POU2F1: variants seen among roughly 807,000 people sequenced by gnomAD.
The protein encoded by POU2F1 is POU domain, class 2, transcription factor 1.
POU2F1 carries 16 observed loss-of-function variants against 84.9 expected under a neutral mutation model. The observed-to-expected ratio is 0.19, with a 90% CI of 0.13 to 0.29. POU2F1 has a LOEUF of 0.29. Ranked by LOEUF, POU2F1 falls within the 10% of genes least tolerant of loss-of-function variation. The pLI, the probability that POU2F1 is intolerant of heterozygous loss-of-function variation, is 1.00. For synonymous variants in POU2F1, 368 were observed against 368.3 expected (o/e 1.00, Z 0.01); for missense variants, 738 against 942.6 (o/e 0.78, Z 2.84).
intron 9 of POU2F1, among the ~76,000 whole-genome samples, chr1:167,395,740 G>A (rs1648763631): frequency 6.6e-6 from 1 of 151,638 alleles, no homozygotes. Context: ...AAATGGCTAG[G>A]ACTACAGGCA....
intron 13 of POU2F1, among the ~76,000 whole-genome samples, chr1:167,411,711 C>T (rs1649980904): frequency 6.6e-6 from 1 of 152,106 alleles, no homozygotes; most frequent in Non-Finnish European, 1.5e-5. Context: ...GAATAGGAAA[C>T]AGGCAATGGA....
chr1:167,228,941 A>G (rs1186742489), intron 1 of POU2F1, among the ~76,000 whole-genome samples: 1 of 152,132 alleles, frequency 6.6e-6, no homozygotes, highest in African/African-American at 2.4e-5. Context: ...GCGTTACTAT[A>G]CCCATTTTAT....
At position 167,417,185 on chromosome 1, in the gene POU2F1, C is replaced by A. The variant is rs1265692464; in HGVS notation, c.*1375C>A. 1.3e-5 allele frequency: 2 copies of A among 152,272 alleles called. No homozygotes were observed. Among genetic ancestry groups the A allele is most frequent in the Non-Finnish European group, 2.9e-5 (2 of 68,038 alleles). 9.4% of individuals were successfully genotyped at this position (152,272 alleles called of 1,614,324 possible). ...TTTCCACTGGATGGTTTATAAATTC[C>A]TCTAACCCTGAGATTCTTCTTGGTT... On this transcript the variant is annotated 3_prime_UTR_variant, in exon 16 of 16. Coordinates refer to ENST00000367866, the MANE Select transcript of POU2F1 (RefSeq NM_002697.4).
chr1:167,374,441 C>T (rs1660197949), intron 6 of POU2F1, 145 bp downstream of exon 6: 2 of 656,828 alleles, frequency 3.0e-6, no homozygotes, highest in East Asian at 5.9e-5. Flanking sequence ...CGGTACCCTT[C>T]CTTACCACTG....
intron 1 of POU2F1, among the ~76,000 whole-genome samples, chr1:167,289,794 T>G (rs1212963935): frequency 6.6e-6 from 1 of 152,226 alleles, no homozygotes; most frequent in African/African-American, 2.4e-5. Context: ...TGGTCTGAGA[T>G]GTTCATTTAT....
In POU2F1 at chr1:167,272,742, G is replaced by C. The variant is rs150032892; in HGVS notation, c.61+51784G>C. ...CCTTCCAGGCCCCTCATCCAACATC[G>C]AGGATTACAATTTGACATGAGATTT... On this transcript the variant is annotated intron_variant, in intron 1 of 15. Coordinates refer to ENST00000367866, the MANE Select transcript of POU2F1 (RefSeq NM_002697.4). Among the ~76,000 whole-genome samples, 33 of 152,192 alleles carry C rather than the reference G, an allele frequency of 2.2e-4. No homozygotes were observed. The South Asian group carries it at 6.6e-3, about 31-fold the overall frequency.
chr1:167,397,709 C>T (rs950878462), intron 10 of POU2F1, among the ~76,000 whole-genome samples: 27 of 152,260 alleles, frequency 1.8e-4, no homozygotes, highest in African/African-American at 6.5e-4. Flanking sequence ...CTGTGCCCAG[C>T]TAATTTTTGT....
intron 6 of POU2F1, among the ~76,000 whole-genome samples, chr1:167,375,116 A>G (rs560062958): frequency 1.6e-4 from 25 of 152,344 alleles, no homozygotes; most frequent in African/African-American, 5.1e-4. Context: ...GGAAAAAGGT[A>G]TAAGTAGATA....
Position 167,295,812 on chromosome 1 carries a change from A to G in POU2F1, c.62-36658A>G, listed in dbSNP as rs577238276. Among the ~76,000 whole-genome samples the G allele has an allele frequency of 1.4e-4, 21 of 152,306 alleles. No homozygotes were observed. In the South Asian group the frequency reaches 4.4e-3, roughly 32 times the overall value. On this transcript the variant is annotated intron_variant, in intron 1 of 15. Transcript: ENST00000367866. ...GCCATAGAAGGCCTTCTTCTATACCAGGGAGAATAGGGAACCTCTTAAGGG... is the reference window on the plus strand; with the variant it reads ...GCCATAGAAGGCCTTCTTCTATACCGGGGAGAATAGGGAACCTCTTAAGGG...
chr1:167,246,458 TTC>T (rs1424204583), intron 1 of POU2F1, among the ~76,000 whole-genome samples: 1 of 152,244 alleles, frequency 6.6e-6, no homozygotes, highest in African/African-American at 2.4e-5. Flanking sequence ...TGTTTTACTT[TTC>T]TCTTTAGGTC....
At chr1:167,396,926 G>C (rs1490724810) in intron 10 of POU2F1, 1 of 153,616 alleles carries the variant, frequency 6.5e-6, no homozygotes, top group Admixed American at 6.5e-5. Flanking sequence ...TTGGAATTTT[G>C]AGTCACAGGA....
intron 1 of POU2F1, among the ~76,000 whole-genome samples, chr1:167,253,260 C>T (rs181833300): frequency 6.6e-6 from 1 of 152,088 alleles, no homozygotes; most frequent in East Asian, 1.9e-4. Flanking sequence ...AGAGTTTGTA[C>T]TTCAGGGTCA....
At chr1:167,253,051 A>G (rs1013363339) in intron 1 of POU2F1, among the ~76,000 whole-genome samples, 1 of 152,202 alleles carries the variant, frequency 6.6e-6, no homozygotes, top group South Asian at 2.1e-4. Context: ...ATATGTGTTC[A>G]TTACAATGCA....
At chr1:167,246,759 G>A (rs7418469) in intron 1 of POU2F1, among the ~76,000 whole-genome samples, 15 of 151,912 alleles carry the variant, frequency 9.9e-5, no homozygotes, top group Non-Finnish European at 1.8e-4. Context: ...TATGAACAAA[G>A]GTGCTTATCT....
chr1:167,379,460 T>C (rs1034109847), intron 7 of POU2F1: 2 of 152,236 alleles, frequency 1.3e-5, no homozygotes, highest in African/African-American at 4.8e-5. Flanking sequence ...TATCTAGGTA[T>C]AATGCCTGGG....
At chr1:167,305,475 C>T (rs1655001270) in intron 1 of POU2F1, among the ~76,000 whole-genome samples, 1 of 152,228 alleles carries the variant, frequency 6.6e-6, no homozygotes, top group Non-Finnish European at 1.5e-5. Context: ...GCGGGGATTA[C>T]AGGCATGAGC....
At chr1:167,386,382 C>T (rs924056524) in intron 8 of POU2F1, among the ~76,000 whole-genome samples, 1 of 152,128 alleles carries the variant, frequency 6.6e-6, no homozygotes, top group Non-Finnish European at 1.5e-5. Flanking sequence ...GATGGGGTTT[C>T]GCCATGTTGC....
At chr1:167,289,845 G>A (rs553222081) in intron 1 of POU2F1, among the ~76,000 whole-genome samples, 1 of 152,114 alleles carries the variant, frequency 6.6e-6, no homozygotes, top group African/African-American at 2.4e-5. Flanking sequence ...CAGTTTTTTT[G>A]TGACCCCATT....
intron 1 of POU2F1, among the ~76,000 whole-genome samples, chr1:167,252,780 A>G (rs1396888006): frequency 1.3e-5 from 2 of 152,204 alleles, no homozygotes; most frequent in Non-Finnish European, 2.9e-5. Context: ...TACGTAACTG[A>G]CTGTGATAAC....
Sources: gnomAD v4.1 joint callset for allele counts (sites outside exome capture counted in the v4.1 genomes callset) on GRCh38, gnomAD v4.1.1 for gene constraint, MANE v1.5 for transcripts, NCBI Gene and HGNC (gene_info 2026-07-23, HGNC 2026-07-21) for gene names.